DRC10: variants seen among roughly 807,000 people sequenced by gnomAD.
The protein encoded by DRC10 is dynein regulatory complex subunit 10.
chr12:113,208,400 A>G, the DRC10 span: 3 of 1,318,754 alleles, frequency 2.3e-6, no homozygotes, highest in East Asian at 9.2e-5. Context: ...CACTGGAAGC[A>G]GTTTTCAGCT....
the DRC10 span, among the ~76,000 whole-genome samples, chr12:113,209,946 C>T: frequency 0.017 from 2,554 of 152,216 alleles, 56 homozygotes; most frequent in African/African-American, 0.057. Flanking sequence ...GCCAACATGG[C>T]GAAACCCCGT....
chr12:113,208,334 A>G, the DRC10 span: 1 of 1,423,126 alleles, frequency 7.0e-7, no homozygotes, highest in Non-Finnish European at 9.1e-7. Flanking sequence ...AGAAACCACA[A>G]CTGTTGACAT....
chr12:113,199,195 C>T, the DRC10 span, among the ~76,000 whole-genome samples: 2 of 152,150 alleles, frequency 1.3e-5, no homozygotes, highest in Non-Finnish European at 2.9e-5. Flanking sequence ...CCTCAGCCTC[C>T]CAAAGTGCTG....
At chr12:113,195,649 G>A in the DRC10 span, 38 of 1,613,000 alleles carry the variant, frequency 2.4e-5, 1 homozygote, top group South Asian at 3.3e-4. Flanking sequence ...CCCTTGCCCC[G>A]CTTCTTCTTG....
At chr12:113,200,789 G>A in the DRC10 span, 7 of 1,532,788 alleles carry the variant, frequency 4.6e-6, no homozygotes, top group Non-Finnish European at 5.2e-6. Flanking sequence ...TTCAGTTCTT[G>A]GATCACAAAG....
chr12:113,216,397 C>G, the DRC10 span, among the ~76,000 whole-genome samples: 4 of 152,082 alleles, frequency 2.6e-5, no homozygotes, highest in Non-Finnish European at 5.9e-5. Flanking sequence ...ATAGGCAGAA[C>G]AGGGAGGATT....
At chr12:113,207,733 A>G in the DRC10 span, 13 of 1,614,198 alleles carry the variant, frequency 8.1e-6, no homozygotes, top group Middle Eastern at 1.6e-4. Flanking sequence ...GATCTGCTGC[A>G]TAAGTGGTGA....
chr12:113,208,755 G>C, the DRC10 span, among the ~76,000 whole-genome samples: 1 of 152,084 alleles, frequency 6.6e-6, no homozygotes, highest in Non-Finnish European at 1.5e-5. Context: ...GAAATACCCT[G>C]GTTTCTTTCT....
chr12:113,203,108 C>A, the DRC10 span: 1 of 438,422 alleles, frequency 2.3e-6, no homozygotes, highest in Non-Finnish European at 4.6e-6. Flanking sequence ...TCCCTGCAAC[C>A]TCTGCCTTCT....
the DRC10 span, among the ~76,000 whole-genome samples, chr12:113,204,336 C>A: frequency 6.6e-6 from 1 of 152,238 alleles, no homozygotes; most frequent in Admixed American, 6.5e-5. Flanking sequence ...TTTGTCCCTT[C>A]CCTCTAGCTC....
chr12:113,207,815 G>C, the DRC10 span: 32 of 1,614,138 alleles, frequency 2.0e-5, no homozygotes, highest in Non-Finnish European at 2.6e-5. Context: ...GCCTCTTTCT[G>C]CTCCTGCAAT....
chr12:113,221,020 C>T, the DRC10 span: 6 of 396,494 alleles, frequency 1.5e-5, no homozygotes, highest in Non-Finnish European at 2.6e-5. Flanking sequence ...TCCAGGTTTC[C>T]CTAGCCACAG....
At chr12:113,211,754 G>A in the DRC10 span, among the ~76,000 whole-genome samples, 1 of 152,042 alleles carries the variant, frequency 6.6e-6, no homozygotes, top group Non-Finnish European at 1.5e-5. Flanking sequence ...GAGATCCTTT[G>A]AGGCTTTTCC....
the DRC10 span, among the ~76,000 whole-genome samples, chr12:113,216,278 G>A: frequency 2.6e-5 from 4 of 152,188 alleles, no homozygotes; most frequent in Non-Finnish European, 4.4e-5. Flanking sequence ...CCAATCTGAA[G>A]AAGCTGCATA....
the DRC10 span, among the ~76,000 whole-genome samples, chr12:113,218,427 G>A: frequency 6.6e-6 from 1 of 151,580 alleles, no homozygotes; most frequent in African/African-American, 2.4e-5. Context: ...TTACAGGCGT[G>A]AGCCACCGTG....
chr12:113,206,820 G>A, the DRC10 span, among the ~76,000 whole-genome samples: 5 of 151,806 alleles, frequency 3.3e-5, no homozygotes, highest in Admixed American at 3.3e-4. Context: ...AGCACTTTGG[G>A]AGGCCAAGGC....
At chr12:113,204,877 T>C in the DRC10 span, among the ~76,000 whole-genome samples, 18 of 151,954 alleles carry the variant, frequency 1.2e-4, no homozygotes, top group Non-Finnish European at 1.9e-4. Flanking sequence ...TGCAGTAAGC[T>C]GAGATCATGC....
chr12:113,216,005 C>T, the DRC10 span, among the ~76,000 whole-genome samples: 2 of 152,168 alleles, frequency 1.3e-5, no homozygotes, highest in East Asian at 3.8e-4. Context: ...TAATTGCACT[C>T]CTTGGTGTTT....
chr12:113,207,834 T>C, the DRC10 span: 1 of 1,614,176 alleles, frequency 6.2e-7, no homozygotes, highest in Non-Finnish European at 8.5e-7. Flanking sequence ...ATTGCCTTTC[T>C]TTCTCTTTCA....
Sources: allele counts gnomAD v4.1 joint callset (sites outside exome capture counted in the v4.1 genomes callset), GRCh38; gene constraint gnomAD v4.1.1; transcripts MANE v1.5; gene names NCBI Gene and HGNC (gene_info 2026-07-23, HGNC 2026-07-21).